The following NOX4 variants were observed in gnomAD, a reference collection of about 807,000 sequenced individuals.
NOX4 encodes the protein NADPH oxidase 4, also known as kidney oxidase-1.
NOX4 carries 69 observed loss-of-function variants against 87.6 expected under a neutral mutation model. The ratio of observed to expected loss-of-function variants is 0.79; its 90% CI spans 0.65 to 0.96. NOX4 has a LOEUF of 0.96. NOX4 is among the 40% of genes least tolerant of loss of function. NOX4 has a pLI of 0.00. For missense variants in NOX4, 680 were observed against 681.5 expected (o/e 1.00, Z 0.02); for synonymous variants, 275 against 238.2 (o/e 1.15, Z -1.42).
intron 11 of NOX4, among the ~76,000 whole-genome samples, chr11:89,377,454 T>C (rs552107765): frequency 6.6e-6 from 1 of 152,270 alleles, no homozygotes; most frequent in Admixed American, 6.5e-5. Flanking sequence ...GAAATACGTA[T>C]TTTAATATCC....
intron 7 of NOX4, among the ~76,000 whole-genome samples, chr11:89,425,623 A>C (rs1290599537): frequency 6.6e-6 from 1 of 152,070 alleles, no homozygotes; most frequent in East Asian, 1.9e-4. Flanking sequence ...TTGGTAAAAT[A>C]CATATGTATA....
the NOX4 span, among the ~76,000 whole-genome samples, chr11:89,514,316 G>T: frequency 6.6e-6 from 1 of 151,788 alleles, no homozygotes; most frequent in Non-Finnish European, 1.5e-5. Flanking sequence ...CATTACTAGT[G>T]TATAGAATTA....
At chr11:89,399,445 AT>A (rs1565238873) in intron 11 of NOX4, among the ~76,000 whole-genome samples, 36 of 133,112 alleles carry the variant, frequency 2.7e-4, no homozygotes, top group East Asian at 2.5e-3. Flanking sequence ...ATATATATAT[AT>A]ATATATATAT....
chr11:89,568,421 A>G, the NOX4 span, among the ~76,000 whole-genome samples: 19 of 152,288 alleles, frequency 1.2e-4, no homozygotes, highest in East Asian at 1.9e-3. Flanking sequence ...TTAAAACACA[A>G]TCCCATCCAC....
chr11:89,539,751 G>A, the NOX4 span, among the ~76,000 whole-genome samples: 6 of 152,234 alleles, frequency 3.9e-5, no homozygotes, highest in South Asian at 1.2e-3. Flanking sequence ...CCTGATACCA[G>A]AACTGGCATA....
chr11:89,350,662 T>C (rs1204150143), intron 13 of NOX4, among the ~76,000 whole-genome samples: 2 of 152,196 alleles, frequency 1.3e-5, no homozygotes, highest in East Asian at 1.9e-4. Context: ...AAAATATCAA[T>C]GTAGATACAT....
chr11:89,452,168 T>C (rs1233513448), intron 2 of NOX4, among the ~76,000 whole-genome samples: 4 of 152,176 alleles, frequency 2.6e-5, no homozygotes, highest in African/African-American at 4.8e-5. Flanking sequence ...GAAACTCCAT[T>C]TCTTGTTCTG....
At chr11:89,437,060 C>T (rs1422940412) in intron 6 of NOX4, among the ~76,000 whole-genome samples, 2 of 151,842 alleles carry the variant, frequency 1.3e-5, no homozygotes, top group Non-Finnish European at 2.9e-5. Flanking sequence ...AATCTATTAA[C>T]TAATAAAAAT....
chr11:89,500,098 A>T (rs1947001203), upstream of NOX4, among the ~76,000 whole-genome samples: 1 of 152,140 alleles, frequency 6.6e-6, no homozygotes, highest in African/African-American at 2.4e-5. Flanking sequence ...GCATATCAGG[A>T]CTATTCAACA....
the NOX4 span, among the ~76,000 whole-genome samples, chr11:89,541,877 T>C: frequency 6.6e-6 from 1 of 152,208 alleles, no homozygotes; most frequent in Non-Finnish European, 1.5e-5. Context: ...TAGAATGCAG[T>C]AGTGCAATCA....
chr11:89,534,858 A>T, the NOX4 span, among the ~76,000 whole-genome samples: 1 of 152,194 alleles, frequency 6.6e-6, no homozygotes, highest in East Asian at 1.9e-4. Flanking sequence ...TCATATCCAC[A>T]ATAGTTTGCA....
intron 2 of NOX4, among the ~76,000 whole-genome samples, chr11:89,477,014 AC>A (rs1293569554): frequency 1.3e-5 from 2 of 152,184 alleles, no homozygotes; most frequent in Non-Finnish European, 2.9e-5. Flanking sequence ...CCTTTTTGGC[AC>A]CAGGGACTGG....
the NOX4 span, among the ~76,000 whole-genome samples, chr11:89,552,958 A>G: frequency 6.6e-6 from 1 of 152,156 alleles, no homozygotes; most frequent in South Asian, 2.1e-4. Flanking sequence ...TAACATTTTC[A>G]TTCAAGTCAA....
chr11:89,495,411 A>G (rs1009799445), upstream of NOX4, among the ~76,000 whole-genome samples: 2 of 151,798 alleles, frequency 1.3e-5, no homozygotes, highest in Non-Finnish European at 2.9e-5. Flanking sequence ...CCTCCTCTTC[A>G]ATCTGTGTGT....
intron 11 of NOX4, among the ~76,000 whole-genome samples, chr11:89,394,384 A>C (rs1323666276): frequency 6.6e-6 from 1 of 152,110 alleles, no homozygotes. Flanking sequence ...GCTGCTCTGT[A>C]CTTGACACTC....
At chr11:89,418,512 G>C (rs868707868) in intron 8 of NOX4, among the ~76,000 whole-genome samples, 1 of 150,650 alleles carries the variant, frequency 6.6e-6, no homozygotes, top group Non-Finnish European at 1.5e-5. Context: ...GTTAGTAAAA[G>C]AGAAGCATTC....
rs753234387 is a variant in NOX4 at position 89,491,262 on chromosome 11, G to C, written c.-16C>G. The C allele has an allele frequency of 7.4e-6, 12 of 1,611,594 alleles. No homozygotes were observed. Among genetic ancestry groups the C allele is most frequent in the Non-Finnish European group, 1.0e-5 (12 of 1,178,830 alleles). Reference sequence around the variant, plus strand: ...ACACAGCCATGCCGCCGGCCCCGCCGCGCTGCGCTCTGTGCCCGCCGGACC... The same window carrying C: ...ACACAGCCATGCCGCCGGCCCCGCCCCGCTGCGCTCTGTGCCCGCCGGACC... On this transcript the variant is annotated 5_prime_UTR_variant, in exon 1 of 18. Transcript: ENST00000263317.
the NOX4 span, among the ~76,000 whole-genome samples, chr11:89,528,746 T>C: frequency 3.9e-5 from 6 of 152,302 alleles, no homozygotes; most frequent in South Asian, 1.0e-3. Context: ...TTTTTTCCTT[T>C]ATAAATTACT....
intron 8 of NOX4, among the ~76,000 whole-genome samples, chr11:89,413,204 G>T (rs1390807733): frequency 6.6e-6 from 1 of 152,084 alleles, no homozygotes; most frequent in Non-Finnish European, 1.5e-5. Context: ...TGGAGAAAAG[G>T]GAACCCTCAT....
Sources: gnomAD v4.1 joint callset for allele counts (sites outside exome capture counted in the v4.1 genomes callset) on GRCh38, gnomAD v4.1.1 for gene constraint, MANE v1.5 for transcripts, NCBI Gene and HGNC (gene_info 2026-07-23, HGNC 2026-07-21) for gene names.